The following GBE1 variants were observed in gnomAD, a reference collection of about 807,000 sequenced individuals.
GBE1 encodes 1,4-alpha-glucan-branching enzyme.
GBE1 carries 70 observed loss-of-function variants against 88.8 expected under a neutral mutation model. The ratio of observed to expected loss-of-function variants is 0.79; its 90% CI spans 0.65 to 0.96. The LOEUF is 0.96. Among genes scored for constraint, GBE1 ranks in the 40% least tolerant of loss-of-function variants. GBE1 has a pLI of 0.00. For synonymous variants in GBE1, 284 were observed against 300.1 expected (o/e 0.95, Z 0.56); for missense variants, 872 against 871.0 (o/e 1.00, Z -0.01).
At position 81,748,733 on chromosome 3, in the gene GBE1, GGCGCAGTGGCTCA is replaced by G. The variant is rs148505189; in HGVS notation, c.143+12629_143+12641del. On this transcript the variant is annotated intron_variant, in intron 1 of 15. Transcript: ENST00000429644. Reference sequence around the variant, plus strand: ...TACTGTAGAAAATATCTGGAGGCCGGGCGCAGTGGCTCAGCCTGTAATTCCAACACTTTGGGAG... The same window carrying G: ...TACTGTAGAAAATATCTGGAGGCCGGGCCTGTAATTCCAACACTTTGGGAG... Among the ~76,000 whole-genome samples the G allele has an allele frequency of 5.0e-3, 764 of 152,194 alleles. 2 individuals are homozygous for G. The highest frequency in any genetic ancestry group is 0.018 in the African/African-American group (733 of 41,508).
chr3:81,542,953 C>T (rs1703160541), intron 12 of GBE1, among the ~76,000 whole-genome samples: 2 of 152,114 alleles, frequency 1.3e-5, no homozygotes, highest in South Asian at 4.1e-4. Context: ...AAGAAAAAAG[C>T]ACACAAAATA....
At chr3:81,629,075 T>G (rs1704466784) in intron 7 of GBE1, among the ~76,000 whole-genome samples, 1 of 142,032 alleles carries the variant, frequency 7.0e-6, no homozygotes, top group South Asian at 2.2e-4. Flanking sequence ...ATGTGCACAT[T>G]GTGCAGGTTA....
At chr3:81,748,933 G>C (rs1448423236) in intron 1 of GBE1, among the ~76,000 whole-genome samples, 1 of 150,768 alleles carries the variant, frequency 6.6e-6, no homozygotes, top group African/African-American at 2.4e-5. Flanking sequence ...CTTGAACCAG[G>C]GAGGCAGAGG....
chr3:81,577,610 C>A (rs1228816095), intron 12 of GBE1, among the ~76,000 whole-genome samples: 3 of 151,980 alleles, frequency 2.0e-5, no homozygotes, highest in Non-Finnish European at 4.4e-5. Flanking sequence ...TGTGCAAATA[C>A]TATAACAATA....
intron 1 of GBE1, among the ~76,000 whole-genome samples, chr3:81,731,597 G>A (rs942550281): frequency 2.6e-5 from 4 of 152,058 alleles, no homozygotes; most frequent in African/African-American, 9.7e-5. Flanking sequence ...ACCTAATGTT[G>A]GAGGAGGGGC....
chr3:81,531,896 T>C (rs1703015578), intron 14 of GBE1, among the ~76,000 whole-genome samples: 2 of 152,044 alleles, frequency 1.3e-5, no homozygotes, highest in South Asian at 4.1e-4. Context: ...TTCCAAATGC[T>C]GGGACAGCAG....
intron 1 of GBE1, among the ~76,000 whole-genome samples, chr3:81,744,516 A>T (rs969598739): frequency 6.6e-6 from 1 of 152,166 alleles, no homozygotes; most frequent in African/African-American, 2.4e-5. Context: ...ACCTCTCCAG[A>T]TAACACTCAT....
chr3:81,695,413 C>T (rs1421804726), intron 2 of GBE1, among the ~76,000 whole-genome samples: 3 of 152,202 alleles, frequency 2.0e-5, no homozygotes, highest in Middle Eastern at 3.4e-3. Flanking sequence ...TGTATGATTC[C>T]ATTTATATGA....
chr3:81,681,794 CG>C lies in GBE1; in HGVS notation c.314-10842del, dbSNP rs1438200440. ...AAAGAATAAATTTGGATTCCTGCCT[CG>C]AAGCATATACAAAACTAACTCAAAA... On this transcript the variant is annotated intron_variant, in intron 2 of 15. Transcript: ENST00000429644. Among the ~76,000 whole-genome samples the C allele has an allele frequency of 7.2e-5, 11 of 152,154 alleles. No homozygotes were observed. In the East Asian group the frequency reaches 2.1e-3, roughly 29 times the overall value.
intron 2 of GBE1, among the ~76,000 whole-genome samples, chr3:81,675,957 A>T (rs776547662): frequency 2.0e-5 from 3 of 152,148 alleles, no homozygotes; most frequent in Non-Finnish European, 2.9e-5. Flanking sequence ...AATTGAGATA[A>T]ATGTAAACAA....
intron 7 of GBE1, among the ~76,000 whole-genome samples, chr3:81,595,255 A>T (rs1365555363): frequency 6.6e-6 from 1 of 151,802 alleles, no homozygotes; most frequent in Non-Finnish European, 1.5e-5. Context: ...TTCCATGTTC[A>T]TACGGTTTAA....
At chr3:81,567,273 T>C (rs1277006201) in intron 12 of GBE1, among the ~76,000 whole-genome samples, 1 of 152,214 alleles carries the variant, frequency 6.6e-6, no homozygotes, top group African/African-American at 2.4e-5. Flanking sequence ...TGTCTTCTTT[T>C]TTCCCTATCA....
intron 7 of GBE1, among the ~76,000 whole-genome samples, chr3:81,623,946 C>A (rs1432473532): frequency 6.6e-6 from 1 of 152,188 alleles, no homozygotes; most frequent in Non-Finnish European, 1.5e-5. Flanking sequence ...ACGAAAATTA[C>A]AAGCATGAGC....
intron 14 of GBE1, among the ~76,000 whole-genome samples, chr3:81,531,124 C>G (rs1356599713): frequency 6.6e-6 from 1 of 151,556 alleles, no homozygotes; most frequent in Non-Finnish European, 1.5e-5. Context: ...GGCCATGGCA[C>G]CCACTGCCTG....
chr3:81,561,729 C>T (rs1374593667), intron 12 of GBE1, among the ~76,000 whole-genome samples: 1 of 152,008 alleles, frequency 6.6e-6, no homozygotes, highest in African/African-American at 2.4e-5. Flanking sequence ...ATGCCAATCT[C>T]CTGCAAAACC....
chr3:81,618,343 T>C (rs2107007428), intron 7 of GBE1, among the ~76,000 whole-genome samples: 1 of 152,234 alleles, frequency 6.6e-6, no homozygotes, highest in Admixed American at 6.5e-5. Flanking sequence ...TATTTAATAA[T>C]TCAATGATCA....
intron 7 of GBE1, among the ~76,000 whole-genome samples, chr3:81,623,087 TC>T (rs1302872215): frequency 2.0e-5 from 3 of 152,104 alleles, no homozygotes; most frequent in African/African-American, 4.8e-5. Flanking sequence ...TTAAAACAGC[TC>T]CCCATCAAAC....
At chr3:81,526,339 C>A (rs906374198) in intron 14 of GBE1, among the ~76,000 whole-genome samples, 3 of 152,056 alleles carry the variant, frequency 2.0e-5, no homozygotes, top group Admixed American at 6.6e-5. Context: ...CTCACCACTC[C>A]TATTCAACAT....
chr3:81,656,029 T>C (rs1704934738), intron 3 of GBE1, among the ~76,000 whole-genome samples: 1 of 152,202 alleles, frequency 6.6e-6, no homozygotes, highest in Non-Finnish European at 1.5e-5. Flanking sequence ...ATAAATTCTA[T>C]CCACAGCTCT....
Sources: gnomAD v4.1 joint callset for allele counts (sites outside exome capture counted in the v4.1 genomes callset) on GRCh38, gnomAD v4.1.1 for gene constraint, MANE v1.5 for transcripts, NCBI Gene and HGNC (gene_info 2026-07-23, HGNC 2026-07-21) for gene names.